The following RHCG variants were observed in gnomAD, a reference collection of about 807,000 sequenced individuals.
RHCG encodes the protein ammonium transporter Rh type C.
Under a neutral mutation model 55.3 loss-of-function variants are expected in RHCG, and 39 were observed. That is an observed-to-expected ratio of 0.70 (90% CI 0.55 to 0.92). The LOEUF (loss-of-function observed/expected upper bound fraction) is 0.92, where lower values mean the gene tolerates loss of function less well. Ranked by LOEUF, RHCG falls within the 40% of genes least tolerant of loss-of-function variation. The pLI, the probability that RHCG is intolerant of heterozygous loss-of-function variation, is 0.00. For synonymous variants in RHCG, 250 were observed against 246.8 expected (o/e 1.01, Z -0.12); for missense variants, 635 against 627.9 (o/e 1.01, Z -0.12).
At chr15:89,485,530 C>T (rs1309291297) in intron 2 of RHCG, among the ~76,000 whole-genome samples, 1 of 152,220 alleles carries the variant, frequency 6.6e-6, no homozygotes, top group Non-Finnish European at 1.5e-5. Flanking sequence ...CTAAGAGTAA[C>T]AGCAGGGATT....
At chr15:89,490,443 C>G (rs1206754694) in intron 1 of RHCG, among the ~76,000 whole-genome samples, 1 of 152,258 alleles carries the variant, frequency 6.6e-6, no homozygotes, top group Admixed American at 6.5e-5. Flanking sequence ...AAATACACCT[C>G]AGCTTAGGTT....
At chr15:89,474,021 AATT>A (rs1174449055) in intron 9 of RHCG, among the ~76,000 whole-genome samples, 7 of 152,250 alleles carry the variant, frequency 4.6e-5, no homozygotes, top group Admixed American at 6.5e-5. Context: ...GAATAGAAAT[AATT>A]ATCCTGTGAG....
At chr15:89,489,122 G>T (rs957504240) in intron 1 of RHCG, among the ~76,000 whole-genome samples, 1 of 152,026 alleles carries the variant, frequency 6.6e-6, no homozygotes. Flanking sequence ...TTCTTTTATT[G>T]TTGTTGTTGT....
chr15:89,482,524 C>A (rs1048294917), intron 3 of RHCG, among the ~76,000 whole-genome samples: 2 of 152,130 alleles, frequency 1.3e-5, no homozygotes, highest in Non-Finnish European at 2.9e-5. Context: ...TCCAAAGGCA[C>A]CAAGGAGGCT....
chr15:89,491,505 G>A (rs186721878), intron 1 of RHCG, among the ~76,000 whole-genome samples: 38 of 152,338 alleles, frequency 2.5e-4, no homozygotes, highest in Admixed American at 2.5e-3. Flanking sequence ...GGTGGCTCAT[G>A]ACTGTAATCC....
chr15:89,494,359 A>C (rs1961528650), intron 1 of RHCG, among the ~76,000 whole-genome samples: 1 of 152,112 alleles, frequency 6.6e-6, no homozygotes, highest in South Asian at 2.1e-4. Flanking sequence ...CATAGCCCTG[A>C]TTTGCCAGGA....
chr15:89,482,015 T>G (rs1277116393), intron 3 of RHCG, among the ~76,000 whole-genome samples: 3 of 152,248 alleles, frequency 2.0e-5, no homozygotes, highest in East Asian at 3.9e-4. Flanking sequence ...TTGGCCAGGC[T>G]GGTCTCGAAC....
Position 89,481,841 on chromosome 15 carries a change from G to A in RHCG, c.522+1226C>T, listed in dbSNP as rs1208938458. ...TTTGAGATGGAGTTTTGCTCTTGTT[G>A]CCCAGGCTGGAGTGCAATGGCGTGA... On this transcript the variant is annotated intron_variant, in intron 3 of 10. Transcript: ENST00000268122. 3.3e-5 allele frequency among the ~76,000 whole-genome samples: 5 copies of A among 151,912 alleles called. No individual in the cohort carries two copies. The East Asian group carries it at 9.7e-4, about 29-fold the overall frequency.
At chr15:89,489,621 C>T (rs1049190320) in intron 1 of RHCG, among the ~76,000 whole-genome samples, 1 of 152,170 alleles carries the variant, frequency 6.6e-6, no homozygotes, top group African/African-American at 2.4e-5. Context: ...CCCACATCTT[C>T]ACCTCCCCCG....
At chr15:89,495,020 C>G (rs1961540895) in intron 1 of RHCG, among the ~76,000 whole-genome samples, 1 of 152,168 alleles carries the variant, frequency 6.6e-6, no homozygotes, top group Non-Finnish European at 1.5e-5. Context: ...ACAATGTGAA[C>G]AGTGGATTTG....
chr15:89,477,160 CG>C lies in RHCG; in HGVS notation c.1158del (p.Ala387GlnfsTer14). The C allele has an allele frequency of 6.2e-7, 1 of 1,614,076 alleles. No homozygotes were observed. The highest frequency in any genetic ancestry group is 8.5e-7 in the Non-Finnish European group (1 of 1,180,000). ...ATCTGGAACTTTCCCTGTGTTCTTG[CG>C]GTCCAGTCCCCGTTGAAACCTTGAA... ...FDFQGFNGDW[T>X]ARTQGKFQIY... On this transcript the variant is annotated frameshift_variant, in exon 8 of 11. Coordinates refer to ENST00000268122, the MANE Select transcript of RHCG (RefSeq NM_016321.3). LOFTEE classifies it high-confidence loss of function. This position sits in a 1 kb window ranked among gnomAD's most constrained non-coding sequence, Gnocchi z 4.5.
Position 89,477,876 on chromosome 15 carries a change from G to T in RHCG, c.936C>A (p.Val312=). The part of the protein sequence containing the change: ...MPYGALIIGF[V]CGIISTLGFV... Reference sequence around the variant, plus strand: ...AACCCAGGGTGGAGATGATGCCGCAGACGAAGCCGATGATGAGGGCACCGT... The same window carrying T: ...AACCCAGGGTGGAGATGATGCCGCATACGAAGCCGATGATGAGGGCACCGT... The change falls in exon 6 of 11, where the codon GTC becomes GTA. Residue 312 remains valine, a synonymous_variant. Coordinates refer to ENST00000268122, the MANE Select transcript of RHCG (RefSeq NM_016321.3). The surrounding 1 kb of genome is among the most constrained non-coding windows in gnomAD (Gnocchi z 4.5). The T allele has an allele frequency of 6.2e-7, 1 of 1,614,106 alleles. No homozygotes were observed. The highest frequency in any genetic ancestry group is 8.5e-7 in the Non-Finnish European group (1 of 1,180,018).
chr15:89,478,317 G>A (rs916421919), intron 5 of RHCG, among the ~76,000 whole-genome samples: 4 of 152,178 alleles, frequency 2.6e-5, no homozygotes, highest in East Asian at 1.9e-4. Flanking sequence ...ATGTCTGAAC[G>A]TTCTTGCCAT....
chr15:89,486,472 A>T (rs1170288015), intron 2 of RHCG: 1 of 465,956 alleles, frequency 2.1e-6, no homozygotes, highest in Non-Finnish European at 4.3e-6. Flanking sequence ...CCTTTGTCGT[A>T]GGGGAAGGGA....
chr15:89,480,438 G>A, intron 3 of RHCG, 30 bp from the exon 4 acceptor site: 2 of 1,601,098 alleles, frequency 1.2e-6, no homozygotes, highest in Non-Finnish European at 1.7e-6. Flanking sequence ...TCAGACTCTG[G>A]CACCTTCTCT....
At chr15:89,486,724 C>G (rs1961377308) in intron 2 of RHCG, 75 bp downstream of exon 2, 1 of 1,503,988 alleles carries the variant, frequency 6.6e-7, no homozygotes, top group Non-Finnish European at 9.1e-7. Flanking sequence ...TGGGCACGCC[C>G]TCCTCCCTCA....
chr15:89,473,987 T>TAAG (rs1567223655), intron 9 of RHCG, among the ~76,000 whole-genome samples: 1 of 152,260 alleles, frequency 6.6e-6, no homozygotes. Context: ...TAAAATAGTT[T>TAAG]AAGTTCTGAC....
intron 2 of RHCG, chr15:89,486,181 A>G (rs963616093): frequency 8.9e-6 from 4 of 447,086 alleles, no homozygotes; most frequent in Non-Finnish European, 1.8e-5. Flanking sequence ...CAGCCCTAAC[A>G]CTCCACACCC....
Position 89,477,729 on chromosome 15 carries a change from C to T in RHCG, c.976-76G>A. On this transcript the variant is annotated intron_variant, in intron 6 of 10. Coordinates refer to ENST00000268122, the MANE Select transcript of RHCG (RefSeq NM_016321.3). The surrounding 1 kb of genome is among the most constrained non-coding windows in gnomAD (Gnocchi z 4.5). Reference sequence around the variant, plus strand: ...TGGGGAGGCCGGGATTCCAGAGACCCAGGATTCTCTAGCCCTCAGCCCCCT... The same window carrying T: ...TGGGGAGGCCGGGATTCCAGAGACCTAGGATTCTCTAGCCCTCAGCCCCCT... The T allele has an allele frequency of 1.9e-6, 3 of 1,604,192 alleles. No individual in the cohort carries two copies. The highest frequency in any genetic ancestry group is 2.6e-6 in the Non-Finnish European group (3 of 1,172,708).
Sources: allele counts gnomAD v4.1 joint callset (sites outside exome capture counted in the v4.1 genomes callset), GRCh38; gene constraint gnomAD v4.1.1; non-coding constraint Gnocchi (gnomAD v3.1); transcripts MANE v1.5; gene names NCBI Gene and HGNC (gene_info 2026-07-23, HGNC 2026-07-21).